The following TMTC2 variants were observed in gnomAD, a reference collection of about 807,000 sequenced individuals.
TMTC2 encodes the protein transmembrane O-mannosyltransferase targeting cadherins 2, also known as protein O-mannosyl-transferase TMTC2.
TMTC2 carries 43 observed loss-of-function variants against 82.4 expected under a neutral mutation model. The observed-to-expected ratio is 0.52, with a 90% CI of 0.41 to 0.67. The LOEUF (loss-of-function observed/expected upper bound fraction) is 0.67. Ranked by LOEUF, TMTC2 falls within the 30% of genes least tolerant of loss-of-function variation. The probability of loss-of-function intolerance (pLI) is 0.00; values close to 1 mark genes in which losing one functional copy is unlikely to be tolerated. For missense variants in TMTC2, 919 were observed against 1,012.4 expected (o/e 0.91, Z 1.25); for synonymous variants, 408 against 381.9 (o/e 1.07, Z -0.80).
chr12:83,060,069 G>T (rs1433686281), intron 10 of TMTC2, among the ~76,000 whole-genome samples: 2 of 151,488 alleles, frequency 1.3e-5, no homozygotes, highest in Non-Finnish European at 3.0e-5. Context: ...CCTAGTGAGG[G>T]AATTTTTACT....
chr12:82,985,890 C>A, intron 7 of TMTC2, 35 bp from the exon 8 acceptor site: 1 of 1,599,488 alleles, frequency 6.3e-7, no homozygotes, highest in Non-Finnish European at 8.5e-7. Flanking sequence ...AAGCTGTATC[C>A]TCCCTTTGAC....
intron 1 of TMTC2, among the ~76,000 whole-genome samples, chr12:82,704,209 TA>T (rs1873233561): frequency 6.6e-6 from 1 of 152,226 alleles, no homozygotes; most frequent in Admixed American, 6.5e-5. Flanking sequence ...TGTTAAAAAC[TA>T]AGCAGCATCT....
At chr12:82,724,447 G>A (rs570112705) in intron 1 of TMTC2, among the ~76,000 whole-genome samples, 1 of 152,218 alleles carries the variant, frequency 6.6e-6, no homozygotes, top group African/African-American at 2.4e-5. Flanking sequence ...CTGTTCTAGT[G>A]ATAGTGAGTG....
intron 1 of TMTC2, among the ~76,000 whole-genome samples, chr12:82,854,480 G>A (rs1871149878): frequency 6.6e-6 from 1 of 152,122 alleles, no homozygotes; most frequent in South Asian, 2.1e-4. Context: ...GGGTGGAGGG[G>A]AGGGGTGCAG....
intron 1 of TMTC2, among the ~76,000 whole-genome samples, chr12:82,723,333 C>A (rs992865157): frequency 6.6e-6 from 1 of 152,146 alleles, no homozygotes; most frequent in Non-Finnish European, 1.5e-5. Context: ...GAGCTCCAAC[C>A]GCAGCTTTCT....
chr12:83,049,320 C>G (rs1450486920), intron 9 of TMTC2, among the ~76,000 whole-genome samples: 1 of 152,110 alleles, frequency 6.6e-6, no homozygotes, highest in Non-Finnish European at 1.5e-5. Context: ...TCCCAACTTC[C>G]ACCCTCAAGT....
At chr12:83,009,631 T>C (rs187350849) in intron 8 of TMTC2, among the ~76,000 whole-genome samples, 7 of 152,038 alleles carry the variant, frequency 4.6e-5, no homozygotes, top group Non-Finnish European at 2.9e-5. Context: ...CAATTTAGAT[T>C]TCCTTTTTCC....
chr12:83,058,536 G>A (rs958077638), intron 10 of TMTC2, among the ~76,000 whole-genome samples: 5 of 151,780 alleles, frequency 3.3e-5, no homozygotes, highest in African/African-American at 1.2e-4. Context: ...AGGAGCCTCC[G>A]TCTGAGTCTC....
chr12:82,962,940 C>T lies in TMTC2; in HGVS notation c.1599-2084C>T, dbSNP rs550128446. Among the ~76,000 whole-genome samples the T allele has an allele frequency of 1.5e-4, 23 of 152,024 alleles. No homozygotes were observed. The Middle Eastern group carries it at 0.01, about 67-fold the overall frequency. The stretch of plus-strand genomic sequence containing the variant: ...GGGTCTCAAGAAGAGACTGGTCTCC[C>T]AGGAGCCCAGGAAATACAGAGTTTC... On this transcript the variant is annotated intron_variant, in intron 4 of 11. Transcript: ENST00000321196.
chr12:83,126,385 G>A (rs974845369), intron 11 of TMTC2, among the ~76,000 whole-genome samples: 2 of 151,996 alleles, frequency 1.3e-5, no homozygotes, highest in African/African-American at 2.4e-5. Context: ...AGTATACAAT[G>A]TTTGTTGTAT....
At chr12:82,845,260 T>C (rs1470351410) in intron 1 of TMTC2, among the ~76,000 whole-genome samples, 1 of 127,250 alleles carries the variant, frequency 7.9e-6, no homozygotes, top group Admixed American at 8.4e-5. Context: ...AAAATATATA[T>C]ATATATATAT....
intron 7 of TMTC2, among the ~76,000 whole-genome samples, chr12:82,983,574 T>C (rs745329688): frequency 3.7e-4 from 57 of 152,080 alleles, no homozygotes; most frequent in South Asian, 6.2e-4. Flanking sequence ...GCTCAGGAAT[T>C]GGGCTTATCT....
At chr12:83,026,750 G>C (rs576303179) in intron 8 of TMTC2, among the ~76,000 whole-genome samples, 2 of 147,722 alleles carry the variant, frequency 1.4e-5, no homozygotes, top group African/African-American at 5.0e-5. Flanking sequence ...GTGAAAATAC[G>C]TGTGTATTTT....
chr12:82,986,732 G>A (rs967094294), intron 8 of TMTC2, among the ~76,000 whole-genome samples: 12 of 152,156 alleles, frequency 7.9e-5, no homozygotes, highest in Non-Finnish European at 1.6e-4. Flanking sequence ...ACCATTTCAC[G>A]AAAGTGACAT....
chr12:82,911,744 G>A (rs1874674255), intron 3 of TMTC2, among the ~76,000 whole-genome samples: 2 of 152,016 alleles, frequency 1.3e-5, no homozygotes, highest in Admixed American at 1.3e-4. Context: ...TGGAATTACA[G>A]GTGTGCGCCT....
chr12:83,051,026 T>G lies in TMTC2; in HGVS notation c.2267+8T>G. 5 of 1,598,962 alleles carry G rather than the reference T, an allele frequency of 3.1e-6. No homozygotes were observed. Among genetic ancestry groups the G allele is most frequent in the Non-Finnish European group, 4.3e-6 (5 of 1,171,930 alleles). ...TGCTGCCCACATGCTCAGGTTAGTT[T>G]TTTTGCTGCTGTGCCTCAAAGCCTA... On this transcript the variant is annotated splice_region_variant and intron_variant, in intron 10 of 11. Transcript: ENST00000321196.
At chr12:82,770,678 G>T (rs181064256) in intron 1 of TMTC2, among the ~76,000 whole-genome samples, 67 of 151,994 alleles carry the variant, frequency 4.4e-4, no homozygotes, top group Admixed American at 1.0e-3. Flanking sequence ...TTGAATACAG[G>T]GTCTCCCTGT....
At chr12:82,841,958 T>C (rs1870361420) in intron 1 of TMTC2, among the ~76,000 whole-genome samples, 1 of 152,214 alleles carries the variant, frequency 6.6e-6, no homozygotes, top group African/African-American at 2.4e-5. Flanking sequence ...GTGTTTTTTA[T>C]AGCTTTATTG....
chr12:82,854,305 C>T (rs1871138665), intron 1 of TMTC2, among the ~76,000 whole-genome samples: 1 of 152,174 alleles, frequency 6.6e-6, no homozygotes, highest in Admixed American at 6.5e-5. Context: ...AGGTAGTTAG[C>T]CCAGGGTCAC....
Sources: allele counts gnomAD v4.1 joint callset (sites outside exome capture counted in the v4.1 genomes callset), GRCh38; gene constraint gnomAD v4.1.1; transcripts MANE v1.5; gene names NCBI Gene and HGNC (gene_info 2026-07-23, HGNC 2026-07-21).